Variants in TATDN3 observed in about 807,000 individuals in gnomAD.
TATDN3 encodes the protein TatD DNase domain containing 3.
In TATDN3, 29 loss-of-function variants were observed where a neutral mutation model predicts 40.1. The ratio of observed to expected loss-of-function variants is 0.72; its 90% confidence interval spans 0.54 to 0.99. The LOEUF (loss-of-function observed/expected upper bound fraction) is 0.99. TATDN3 is among the 50% of genes least tolerant of loss of function. The pLI is 0.00. For missense variants in TATDN3, 309 were observed against 321.9 expected (o/e 0.96, Z 0.31); for synonymous variants, 105 against 117.0 (o/e 0.90, Z 0.66).
At position 212,795,420 on chromosome 1, in the gene TATDN3, G is replaced by A. The variant is rs561555621; in HGVS notation, c.99+293G>A. Among the ~76,000 whole-genome samples the A allele has an allele frequency of 6.6e-5, 10 of 151,982 alleles. No homozygotes were observed. In the East Asian group the frequency reaches 7.8e-4, roughly 12 times the overall value. ...TGAGTAGCTGGGACTATAGGCACAC[G>A]TCACTGCACCCAGATAATTTTTGTA... is the stretch of plus-strand genomic sequence containing the variant. On this transcript the variant is annotated intron_variant, in intron 2 of 9. Coordinates refer to ENST00000366974, the MANE Select transcript of TATDN3 (RefSeq NM_001042552.3).
intron 8 of TATDN3, among the ~76,000 whole-genome samples, chr1:212,809,830 C>A (rs1302738501): frequency 6.6e-6 from 1 of 152,080 alleles, no homozygotes; most frequent in African/African-American, 2.4e-5. Context: ...TCAAAACCAG[C>A]CTGGCCAACA....
At chr1:212,798,194 C>T (rs1290473253) in intron 4 of TATDN3, among the ~76,000 whole-genome samples, 2 of 151,798 alleles carry the variant, frequency 1.3e-5, no homozygotes, top group Admixed American at 6.6e-5. Context: ...GGTGTGGTGG[C>T]GTGCACCTGT....
chr1:212,794,006 C>T (rs1033717244), intron 1 of TATDN3, among the ~76,000 whole-genome samples: 1 of 152,068 alleles, frequency 6.6e-6, no homozygotes, highest in East Asian at 1.9e-4. Context: ...GGGGGCCGGG[C>T]GCAGTGGCTC....
chr1:212,795,007 T>C, intron 1 of TATDN3, 88 bp from the exon 2 acceptor site: 1 of 1,077,488 alleles, frequency 9.3e-7, no homozygotes, highest in Non-Finnish European at 1.4e-6. Flanking sequence ...TGTTATTTTT[T>C]GTGATGCCAC....
In TATDN3 at chr1:212,797,209, C is replaced by T; in HGVS notation, c.258+13C>T. Reference sequence around the variant, plus strand: ...TGTCACACTAAAGGTAACAGTCATACAAAACAGGAACCATTAAAAACAAAC... The same window carrying T: ...TGTCACACTAAAGGTAACAGTCATATAAAACAGGAACCATTAAAAACAAAC... On this transcript the variant is annotated intron_variant, in intron 4 of 9. Transcript: ENST00000366974. 2 of 1,599,528 alleles carry T rather than the reference C, an allele frequency of 1.3e-6. No homozygotes were observed. The highest frequency in any genetic ancestry group is 1.7e-6 in the Non-Finnish European group (2 of 1,167,204).
chr1:212,802,817 T>A, intron 5 of TATDN3, 54 bp downstream of exon 5: 1 of 1,227,744 alleles, frequency 8.1e-7, no homozygotes, highest in Non-Finnish European at 1.2e-6. Flanking sequence ...CTATATGATA[T>A]ATGAAAATAA....
chr1:212,815,312 G>T lies in TATDN3; in HGVS notation c.*156G>T. ...AATATTTCTCTTAGAAATAAAACTG[G>T]GCTTGGATCCTGAAACCCTGGGTTC... is the stretch of plus-strand genomic sequence containing the variant. On this transcript the variant is annotated 3_prime_UTR_variant, in exon 10 of 10. Coordinates refer to ENST00000366974, the MANE Select transcript of TATDN3 (RefSeq NM_001042552.3). 2 of 905,168 alleles carry T rather than the reference G, an allele frequency of 2.2e-6. No homozygotes were observed. The highest frequency in any genetic ancestry group is 2.7e-4 in the Middle Eastern group (1 of 3,656). The allele number at this position is 905,168 out of a possible 1,614,324, so 56.1% of individuals were successfully genotyped here.
rs1376378711 is a variant in TATDN3 at position 212,815,114 on chromosome 1, A to G, written c.783A>G (p.Ala261=). ...TTATAGAAGTGACGACACAGAATGCATTAAAACTGTTTCCTAAGCTCCGAC... is the reference window on the plus strand; with the variant it reads ...TTATAGAAGTGACGACACAGAATGCGTTAAAACTGTTTCCTAAGCTCCGAC... ...EEVIEVTTQN[A]LKLFPKLRHL... Residue 261 remains alanine, a synonymous_variant, in exon 10 of 10, where the codon GCA becomes GCG. Coordinates refer to ENST00000366974, the MANE Select transcript of TATDN3 (RefSeq NM_001042552.3). 21 of 1,613,906 alleles carry G rather than the reference A, an allele frequency of 1.3e-5. No individual in the cohort carries two copies. Among genetic ancestry groups the G allele is most frequent in the Middle Eastern group, 3.3e-4 (2 of 6,062 alleles).
intron 9 of TATDN3, among the ~76,000 whole-genome samples, chr1:212,813,083 C>G (rs1264493591): frequency 6.6e-6 from 1 of 152,100 alleles, no homozygotes; most frequent in Non-Finnish European, 1.5e-5. Flanking sequence ...ATCTGGTATA[C>G]AGTAGGTATT....
chr1:212,810,207 T>C (rs1379084736), intron 8 of TATDN3, among the ~76,000 whole-genome samples: 1 of 151,576 alleles, frequency 6.6e-6, no homozygotes, highest in East Asian at 1.9e-4. Context: ...CTACAAAACA[T>C]ATAAAAATTA....
In TATDN3 at chr1:212,815,134, T is replaced by G. The variant is rs751997577; in HGVS notation, c.803T>G (p.Leu268Arg). 6 of 1,612,056 alleles carry G rather than the reference T, an allele frequency of 3.7e-6. No individual in the cohort carries two copies. The highest frequency in any genetic ancestry group is 5.1e-6 in the Non-Finnish European group (6 of 1,179,556). The change falls in exon 10 of 10, where the codon CTC becomes CGC. Residue 268 changes from leucine to arginine, a missense_variant. Coordinates refer to ENST00000366974, the MANE Select transcript of TATDN3 (RefSeq NM_001042552.3). ...AATGCATTAAAACTGTTTCCTAAGC[T>G]CCGACACTTGCTCCAGAAATAGCTT... Reference protein sequence around the residue: ...TQNALKLFPKLRHLLQK With the variant: ...TQNALKLFPKRRHLLQK
intron 5 of TATDN3, 151 bp downstream of exon 5, chr1:212,802,914 T>C (rs1017061920): frequency 5.2e-6 from 3 of 578,338 alleles, no homozygotes; most frequent in African/African-American, 3.7e-5. Flanking sequence ...GATACTTCTT[T>C]AATAAGCAAG....
At chr1:212,800,792 C>T (rs1026683060) in intron 4 of TATDN3, among the ~76,000 whole-genome samples, 1 of 151,720 alleles carries the variant, frequency 6.6e-6, no homozygotes, top group Non-Finnish European at 1.5e-5. Flanking sequence ...ATCTGTGGCA[C>T]ATTACTTACC....
At chr1:212,796,977 C>A (rs528480356) in intron 3 of TATDN3, 135 bp from the exon 4 acceptor site, 383 of 635,636 alleles carry the variant, frequency 6.0e-4, no homozygotes, top group Non-Finnish European at 9.4e-4. Context: ...CTTAAGTGAT[C>A]CACCTGGTTC....
At position 212,805,320 on chromosome 1, in the gene TATDN3, A is replaced by G. The variant is rs570827498; in HGVS notation, c.487+669A>G. Among the ~76,000 whole-genome samples, 13 of 152,164 alleles carry G rather than the reference A, an allele frequency of 8.5e-5. 1 individual carries two copies. The highest frequency in any genetic ancestry group is 1.2e-4 in the African/African-American group (5 of 41,528). ...GCCCAGGCTGGAGTGCAGTGGCGCA[A>G]TCTTGGCTCACTGCAACCTCCACCT... On this transcript the variant is annotated intron_variant, in intron 7 of 9. Coordinates refer to ENST00000366974, the MANE Select transcript of TATDN3 (RefSeq NM_001042552.3).
intron 4 of TATDN3, among the ~76,000 whole-genome samples, chr1:212,798,536 CAAAAAA>C (rs11296428): frequency 1.1e-5 from 1 of 91,320 alleles, no homozygotes; most frequent in African/African-American, 4.1e-5. Context: ...CTCAAAAACT[CAAAAAA>C]AAAAAAAAAA....
intron 8 of TATDN3, among the ~76,000 whole-genome samples, chr1:212,811,245 G>A (rs937556906): frequency 6.6e-6 from 1 of 151,106 alleles, no homozygotes; most frequent in African/African-American, 2.4e-5. Flanking sequence ...AAGTGATTCT[G>A]CCTCAACCTC....
chr1:212,812,293 GA>G lies in TATDN3; in HGVS notation c.649del (p.Thr217GlnfsTer6), dbSNP rs1294361494. On this transcript the variant is annotated frameshift_variant, in exon 9 of 10. Transcript: ENST00000366974. LOFTEE classifies it high-confidence loss of function. ...ATTGCCTTTAACTTCTATATGCTTA[GA>G]AACAGATTCACCTGCACTAGGACCA... ...KQLPLTSICL[E>X]TDSPALGPEK... 1.9e-6 allele frequency: 3 copies of G among 1,583,460 alleles called. No individual in the cohort carries two copies. The highest frequency in any genetic ancestry group is 4.6e-5 in the East Asian group (2 of 43,836).
chr1:212,807,118 GTAT>G (rs1385333571), intron 7 of TATDN3, among the ~76,000 whole-genome samples: 1 of 150,990 alleles, frequency 6.6e-6, no homozygotes, highest in African/African-American at 2.4e-5. Context: ...TAATTTTTTT[GTAT>G]TTTTAGTAGA....
Sources: gnomAD v4.1 joint callset for allele counts (sites outside exome capture counted in the v4.1 genomes callset) on GRCh38, gnomAD v4.1.1 for gene constraint, MANE v1.5 for transcripts, NCBI Gene and HGNC (gene_info 2026-07-23, HGNC 2026-07-21) for gene names.